The following NRG3 variants were observed in gnomAD, a reference collection of about 807,000 sequenced individuals.
NRG3 encodes the protein neuregulin 3, also known as pro-neuregulin-3, membrane-bound isoform.
A neutral mutation model predicts 66.9 loss-of-function variants in NRG3; 31 were observed. That is an observed-to-expected ratio of 0.46 (90% CI 0.35 to 0.63). The LOEUF (loss-of-function observed/expected upper bound fraction) is 0.63. Ranked by LOEUF, NRG3 falls within the 20% of genes least tolerant of loss-of-function variation. The pLI is 0.00. For missense variants in NRG3, 910 were observed against 878.9 expected (o/e 1.04, Z -0.45); for synonymous variants, 393 against 359.4 (o/e 1.09, Z -1.06).
intron 1 of NRG3, among the ~76,000 whole-genome samples, chr10:82,105,618 C>A (rs1326968845): frequency 6.6e-6 from 1 of 152,098 alleles, no homozygotes; most frequent in Non-Finnish European, 1.5e-5. Context: ...CTTGTTGATG[C>A]CCTACGTCAT....
In NRG3 at chr10:82,898,715, C is replaced by CTTTTTTTTTTTT. The variant is rs765058089; in HGVS notation, c.1054+33291_1054+33302dup. Among the ~76,000 whole-genome samples the CTTTTTTTTTTTT allele has an allele frequency of 3.8e-4, 34 of 89,390 alleles. 1 individual carries two copies. The highest frequency in any genetic ancestry group is 1.6e-3 in the African/African-American group (34 of 21,674). 58.6% of individuals were successfully genotyped at this position (89,390 alleles called of 152,430 possible). A position where few individuals can be genotyped will look rare whatever the true frequency, so the allele number is the denominator to read the frequency against. The stretch of plus-strand genomic sequence containing the variant: ...CTGAATAGAAGGCCAGGAGTTTTAC[C>CTTTTTTTTTTTT]TTTTTTTTTTTTTTTTTTTTTTTTG... On this transcript the variant is annotated intron_variant, in intron 4 of 8. Transcript: ENST00000372141.
intron 6 of NRG3, among the ~76,000 whole-genome samples, chr10:82,960,788 C>T (rs994537529): frequency 6.6e-6 from 1 of 152,126 alleles, no homozygotes; most frequent in African/African-American, 2.4e-5. Flanking sequence ...AAAGCTCCCC[C>T]ACTGAGCACC....
intron 4 of NRG3, among the ~76,000 whole-genome samples, chr10:82,944,406 G>A (rs181825112): frequency 6.6e-6 from 1 of 152,124 alleles, no homozygotes; most frequent in South Asian, 2.1e-4. Flanking sequence ...CGCAAGTCAT[G>A]CTTATTCCAT....
At chr10:81,907,131 T>C (rs183283159) in intron 1 of NRG3, among the ~76,000 whole-genome samples, 2 of 152,308 alleles carry the variant, frequency 1.3e-5, no homozygotes, top group Admixed American at 1.3e-4. Context: ...AGCTTCCATT[T>C]GTTACCTGTG....
chr10:82,553,301 A>G (rs1316835395), intron 2 of NRG3, among the ~76,000 whole-genome samples: 1 of 151,898 alleles, frequency 6.6e-6, no homozygotes, highest in Non-Finnish European at 1.5e-5. Context: ...ACAAACGAAT[A>G]GGTAGGAGGA....
At chr10:82,103,851 G>C (rs1042308636) in intron 1 of NRG3, among the ~76,000 whole-genome samples, 1 of 151,874 alleles carries the variant, frequency 6.6e-6, no homozygotes. Context: ...GAAAGACAAG[G>C]TGAGAAAAAA....
chr10:82,962,887 A>G (rs1850807278), intron 6 of NRG3, among the ~76,000 whole-genome samples: 1 of 152,090 alleles, frequency 6.6e-6, no homozygotes, highest in African/African-American at 2.4e-5. Flanking sequence ...TTAGTGCCTA[A>G]CAGAGCCTTA....
At chr10:81,927,461 A>G (rs1362719916) in intron 1 of NRG3, among the ~76,000 whole-genome samples, 2 of 152,224 alleles carry the variant, frequency 1.3e-5, no homozygotes, top group African/African-American at 2.4e-5. Context: ...TCAACTTAAT[A>G]TGCTAAAAAT....
At chr10:82,649,416 A>G (rs1006265517) in intron 2 of NRG3, among the ~76,000 whole-genome samples, 1 of 151,016 alleles carries the variant, frequency 6.6e-6, no homozygotes, top group African/African-American at 2.4e-5. Context: ...TGACTGGAAC[A>G]AACAGTAAAT....
chr10:82,449,329 T>C (rs2090904604), intron 2 of NRG3, among the ~76,000 whole-genome samples: 2 of 152,166 alleles, frequency 1.3e-5, no homozygotes, highest in African/African-American at 2.4e-5. Flanking sequence ...CTGACAGATA[T>C]CTGGAAGAGC....
At chr10:82,189,739 G>A (rs2074022632) in intron 1 of NRG3, among the ~76,000 whole-genome samples, 2 of 151,948 alleles carry the variant, frequency 1.3e-5, no homozygotes, top group Non-Finnish European at 2.9e-5. Context: ...GCAGTGAGCC[G>A]AGATCGCACC....
At chr10:82,392,511 TC>T (rs1171586490) in intron 2 of NRG3, among the ~76,000 whole-genome samples, 1 of 152,190 alleles carries the variant, frequency 6.6e-6, no homozygotes, top group Non-Finnish European at 1.5e-5. Flanking sequence ...GTTGCATTTT[TC>T]TGAGTTGAAT....
intron 1 of NRG3, among the ~76,000 whole-genome samples, chr10:81,964,167 G>A (rs1476954737): frequency 3.9e-5 from 6 of 152,058 alleles, no homozygotes; most frequent in Admixed American, 2.6e-4. Context: ...ACACAGATAT[G>A]TGAACATGTA....
chr10:82,422,416 C>G (rs578052668), intron 2 of NRG3, among the ~76,000 whole-genome samples: 1 of 152,160 alleles, frequency 6.6e-6, no homozygotes, highest in African/African-American at 2.4e-5. Context: ...TCAAATCTCT[C>G]TGACTGGGAA....
At chr10:82,710,455 G>A (rs562335537) in intron 2 of NRG3, among the ~76,000 whole-genome samples, 12 of 151,696 alleles carry the variant, frequency 7.9e-5, no homozygotes, top group Middle Eastern at 3.4e-3. Flanking sequence ...GCGTGGTGGC[G>A]CATGCCTGTA....
chr10:82,359,385 C>A (rs138538397), intron 2 of NRG3, among the ~76,000 whole-genome samples: 3 of 152,168 alleles, frequency 2.0e-5, no homozygotes, highest in Non-Finnish European at 4.4e-5. Flanking sequence ...TTTCTTAACA[C>A]CTCTGATGAA....
At chr10:82,353,772 C>T (rs1428730814) in intron 1 of NRG3, among the ~76,000 whole-genome samples, 2 of 152,044 alleles carry the variant, frequency 1.3e-5, no homozygotes, top group East Asian at 3.9e-4. Context: ...TTCTTAGCAC[C>T]ATCTCTGCTC....
chr10:82,210,104 G>C (rs1476247523), intron 1 of NRG3, among the ~76,000 whole-genome samples: 1 of 152,108 alleles, frequency 6.6e-6, no homozygotes, highest in Non-Finnish European at 1.5e-5. Context: ...GGAGAAAGTT[G>C]AAACATTGCT....
intron 4 of NRG3, among the ~76,000 whole-genome samples, chr10:82,869,437 A>G (rs1228658577): frequency 6.6e-6 from 1 of 152,154 alleles, no homozygotes; most frequent in Non-Finnish European, 1.5e-5. Context: ...TATACTTTCT[A>G]TAGATTCAGA....
Sources: allele counts gnomAD v4.1 joint callset (sites outside exome capture counted in the v4.1 genomes callset), GRCh38; gene constraint gnomAD v4.1.1; transcripts MANE v1.5; gene names NCBI Gene and HGNC (gene_info 2026-07-23, HGNC 2026-07-21).